SPATA31C1: variants seen among roughly 807,000 people sequenced by gnomAD.
SPATA31C1 encodes SPATA31 subfamily C member 1.
Position 87,922,981 on chromosome 9 carries a change from C to T in SPATA31C1, n.3371C>T, listed in dbSNP as rs530578796. On this transcript the variant is annotated non_coding_transcript_exon_variant, in exon 5 of 5. Transcript: ENST00000420021. ...GAAAACATCAAGCAATTTTTTGAGACGATTTTTTCAAAGAAAGAAAGGAAG... is the reference window on the plus strand; with the variant it reads ...GAAAACATCAAGCAATTTTTTGAGATGATTTTTTCAAAGAAAGAAAGGAAG... The T allele has an allele frequency of 3.9e-3, 4,869 of 1,263,582 alleles. 254 individuals carry two copies. The African/African-American group carries it at 0.083, about 22-fold the overall frequency. The allele number at this position is 1,263,582 out of a possible 1,614,324, so 78.3% of individuals were successfully genotyped here.
At chr9:87,919,470 C>A in intron 3 of SPATA31C1, 122 bp downstream of exon 2, 2 of 1,413,568 alleles carry the variant, frequency 1.4e-6, no homozygotes, top group Non-Finnish European at 1.9e-6. Context: ...AATCAGAACC[C>A]TGGGTCCTTC....
chr9:87,919,591 G>T (rs1250935395), intron 3 of SPATA31C1, among the ~76,000 whole-genome samples: 4 of 83,102 alleles, frequency 4.8e-5, no homozygotes, highest in Non-Finnish European at 9.5e-5. Flanking sequence ...GGATGCGGAG[G>T]GGGGTGAGGG....
chr9:87,917,007 G>A (rs1828744212), intron 1 of SPATA31C1, among the ~76,000 whole-genome samples: 1 of 107,976 alleles, frequency 9.3e-6, no homozygotes, highest in Non-Finnish European at 1.9e-5. Context: ...AAAAAGAAAG[G>A]AAAACTGCAG....
At chr9:87,922,022 A>C in exon 5 of SPATA31C1, 1 of 1,613,912 alleles carries the variant, frequency 6.2e-7, no homozygotes, top group South Asian at 1.1e-5. Flanking sequence ...GGGCTGGCTC[A>C]AAAGTTGAGG....
chr9:87,915,654 C>A (rs541458168), intron 1 of SPATA31C1, among the ~76,000 whole-genome samples: 2 of 143,630 alleles, frequency 1.4e-5, no homozygotes, highest in South Asian at 4.7e-4. Flanking sequence ...ATTGTTTTGT[C>A]TATGGTATCT....
At chr9:87,920,416 G>C in exon 5 of SPATA31C1, 2 of 1,613,868 alleles carry the variant, frequency 1.2e-6, no homozygotes, top group Non-Finnish European at 8.5e-7. Flanking sequence ...CCGGATCCTC[G>C]AACCAAGCAT....
exon 5 of SPATA31C1, chr9:87,920,733 G>A (rs765919345): frequency 2.2e-5 from 35 of 1,613,834 alleles, no homozygotes; most frequent in Non-Finnish European, 3.0e-5. Flanking sequence ...GGCGGCTTCT[G>A]TCCCAGCCAT....
chr9:87,921,653 G>C, exon 5 of SPATA31C1: 1 of 1,612,042 alleles, frequency 6.2e-7, no homozygotes, highest in Non-Finnish European at 8.5e-7. Context: ...AAAACATCCT[G>C]AAAGCCCACA....
chr9:87,921,200 C>T (rs1283172237), exon 5 of SPATA31C1: 1 of 1,611,946 alleles, frequency 6.2e-7, no homozygotes, highest in East Asian at 2.2e-5. Context: ...TCTTTAGTGT[C>T]TCCACTCCTA....
exon 5 of SPATA31C1, chr9:87,921,614 A>G (rs1189343196): frequency 6.2e-7 from 1 of 1,612,046 alleles, no homozygotes; most frequent in South Asian, 1.1e-5. Context: ...GAAGTGATTT[A>G]TTAAGACGCA....
exon 5 of SPATA31C1, chr9:87,921,942 C>A (rs535457169): frequency 6.2e-7 from 1 of 1,612,250 alleles, no homozygotes; most frequent in African/African-American, 1.3e-5. Flanking sequence ...TCAGTGCTTT[C>A]AACTGGAAAA....
chr9:87,920,526 C>T (rs781178940), exon 5 of SPATA31C1: 10 of 1,613,920 alleles, frequency 6.2e-6, no homozygotes, highest in Middle Eastern at 1.7e-4. Context: ...TCTCCTAGAA[C>T]GCCCCTCACC....
At chr9:87,921,872 T>G (rs1318912450) in exon 5 of SPATA31C1, 1 of 1,612,020 alleles carries the variant, frequency 6.2e-7, no homozygotes, top group East Asian at 2.2e-5. Flanking sequence ...TGGAAGCCCA[T>G]ATTGTGAGGT....
At chr9:87,920,356 C>G (rs1213360716) in exon 5 of SPATA31C1, 1 of 1,613,978 alleles carries the variant, frequency 6.2e-7, no homozygotes, top group Non-Finnish European at 8.5e-7. Flanking sequence ...TCCCGGTCCT[C>G]TCATGAGCCT....
At chr9:87,920,225 G>A in intron 4 of SPATA31C1, 27 bp from the exon 4 acceptor site, 1 of 1,611,888 alleles carries the variant, frequency 6.2e-7, no homozygotes, top group Non-Finnish European at 8.5e-7. Context: ...GCTCCTGGCT[G>A]CAGCTTGTGC....
exon 5 of SPATA31C1, chr9:87,922,489 C>T (rs757138002): frequency 5.6e-6 from 9 of 1,610,474 alleles, no homozygotes; most frequent in Middle Eastern, 1.7e-4. Flanking sequence ...ATGGAGGAGG[C>T]TGTTAGTGAA....
chr9:87,921,683 G>C, exon 5 of SPATA31C1: 2 of 1,612,038 alleles, frequency 1.2e-6, no homozygotes, highest in Non-Finnish European at 1.7e-6. Flanking sequence ...AGTTGGGCCA[G>C]ACCAACGAGG....
chr9:87,921,087 G>A, exon 5 of SPATA31C1: 1 of 1,611,564 alleles, frequency 6.2e-7, no homozygotes, highest in Non-Finnish European at 8.5e-7. Flanking sequence ...TAAAGTGCAA[G>A]CTCTCTCCTT....
At chr9:87,923,109 A>G (rs761165911) in exon 5 of SPATA31C1, 2 of 1,603,424 alleles carry the variant, frequency 1.2e-6, no homozygotes, top group Non-Finnish European at 1.7e-6. Flanking sequence ...AGTTGGACAG[A>G]TACCGGAGGA....
Sources: gnomAD v4.1 joint callset for allele counts (sites outside exome capture counted in the v4.1 genomes callset) on GRCh38, gnomAD v4.1.1 for gene constraint, MANE v1.5 for transcripts, NCBI Gene and HGNC (gene_info 2026-07-23, HGNC 2026-07-21) for gene names.